The following ACOX3 variants were observed in gnomAD, a reference collection of about 807,000 sequenced individuals.
ACOX3 encodes peroxisomal acyl-coenzyme A oxidase 3.
A neutral mutation model predicts 81.5 loss-of-function variants in ACOX3; 73 were observed. The ratio of observed to expected loss-of-function variants is 0.90; its 90% CI spans 0.74 to 1.09. ACOX3 has a LOEUF of 1.09. Among genes scored for constraint, ACOX3 ranks in the 50% least tolerant of loss-of-function variants. The probability of loss-of-function intolerance (pLI) is 0.00; values close to 1 mark genes in which losing one functional copy is unlikely to be tolerated. For synonymous variants in ACOX3, 387 were observed against 375.1 expected (o/e 1.03, Z -0.37); for missense variants, 947 against 928.0 (o/e 1.02, Z -0.27).
Position 8,380,189 on chromosome 4 carries a change from C to CTT in ACOX3, c.1653+1301_1653+1302dup, listed in dbSNP as rs11388749. Among the ~76,000 whole-genome samples the CTT allele has an allele frequency of 3.1e-3, 389 of 125,836 alleles. 15 individuals carry two copies. The highest frequency in any genetic ancestry group is 0.01 in the African/African-American group (313 of 30,706). 82.6% of individuals were successfully genotyped at this position (125,836 alleles called of 152,430 possible). A position where few individuals can be genotyped will look rare whatever the true frequency, so the allele number is the denominator to read the frequency against. On this transcript the variant is annotated intron_variant, in intron 14 of 17. Coordinates refer to ENST00000356406, the MANE Select transcript of ACOX3 (RefSeq NM_003501.3). ...TCAGTTATAAATTCAATATGGGTTC[C>CTT]TTTTTTTTTTTTTTTTTTGAGATGG...
chr4:8,418,863 G>A (rs1285593446), intron 1 of ACOX3, among the ~76,000 whole-genome samples: 1 of 152,002 alleles, frequency 6.6e-6, no homozygotes, highest in African/African-American at 2.4e-5. Context: ...CGGTCTCAAA[G>A]AAAACAAAAC....
chr4:8,427,857 G>A (rs2109031624), intron 1 of ACOX3, among the ~76,000 whole-genome samples: 1 of 152,312 alleles, frequency 6.6e-6, no homozygotes, highest in African/African-American at 2.4e-5. Context: ...CTAGTGCCCA[G>A]GGTCTACTGT....
chr4:8,377,375 C>T (rs530555345), intron 14 of ACOX3, among the ~76,000 whole-genome samples: 2 of 152,282 alleles, frequency 1.3e-5, no homozygotes, highest in East Asian at 3.9e-4. Flanking sequence ...GCTGCGGGGG[C>T]CAGAAAGACA....
chr4:8,388,736 C>T (rs572003997), intron 13 of ACOX3, among the ~76,000 whole-genome samples: 2 of 152,188 alleles, frequency 1.3e-5, no homozygotes, highest in African/African-American at 2.4e-5. Flanking sequence ...TGCGCCAGGG[C>T]GGGAAGGGGC....
rs1182170655 is a variant in ACOX3 at position 8,405,904 on chromosome 4, C to T, written c.776+51G>A. ...GAGATCTCAGACATGAGCGACAACG[C>T]AGCCTGGGCCTTGGCAGGAAGCTCA... On this transcript the variant is annotated intron_variant, in intron 7 of 17. Coordinates refer to ENST00000356406, the MANE Select transcript of ACOX3 (RefSeq NM_003501.3). The surrounding 1 kb of genome is among the most constrained non-coding windows in gnomAD (Gnocchi z 7.1). The T allele has an allele frequency of 7.7e-6, 12 of 1,557,196 alleles. No individual in the cohort carries two copies. In the South Asian group the frequency reaches 1.0e-4, roughly 13 times the overall value.
chr4:8,424,054 G>T lies in ACOX3; in HGVS notation c.-14-7519C>A, dbSNP rs1578991909. 2.0e-5 allele frequency among the ~76,000 whole-genome samples: 3 copies of T among 152,368 alleles called. No individual in the cohort carries two copies. The East Asian group carries it at 5.8e-4, about 29-fold the overall frequency. ...AAAGGCTCAGCTCTGCTCACAGCAG[G>T]TTAAATACTTAGGGCTAAAATTATC... On this transcript the variant is annotated intron_variant, in intron 1 of 17. Coordinates refer to ENST00000356406, the MANE Select transcript of ACOX3 (RefSeq NM_003501.3).
chr4:8,378,608 G>A (rs976480661), intron 14 of ACOX3, among the ~76,000 whole-genome samples: 9 of 151,424 alleles, frequency 5.9e-5, no homozygotes, highest in African/African-American at 1.7e-4. Context: ...GGACGCCATC[G>A]CCCATCTTTT....
chr4:8,412,411 A>G (rs758060988), intron 5 of ACOX3, among the ~76,000 whole-genome samples: 9 of 150,862 alleles, frequency 6.0e-5, no homozygotes, highest in Non-Finnish European at 1.2e-4. Context: ...TGGATGGATG[A>G]AAGAATGAAT....
chr4:8,435,219 G>A (rs1310934797), intron 1 of ACOX3, among the ~76,000 whole-genome samples: 2 of 152,114 alleles, frequency 1.3e-5, no homozygotes, highest in Admixed American at 6.5e-5. Context: ...TGCTGGGCGC[G>A]GTGGCTCACG....
chr4:8,392,373 C>G lies in ACOX3; in HGVS notation c.1260G>C (p.Gln420His), dbSNP rs1210152988. The G allele has an allele frequency of 1.2e-6, 2 of 1,608,068 alleles. No homozygotes were observed. Among genetic ancestry groups the G allele is most frequent in the East Asian group, 4.5e-5 (2 of 44,402 alleles). ...LASWTTQQGI[Q>H]ECREACGGHG... ...GTCCTCCACACGCCTCCCGGCATTCCTGAATTCCTTGCTGGGTGGTCCACG... is the reference window on the plus strand; with the variant it reads ...GTCCTCCACACGCCTCCCGGCATTCGTGAATTCCTTGCTGGGTGGTCCACG... Residue 420 changes from glutamine to histidine, a missense_variant, in exon 11 of 18, where the codon CAG (glutamine) becomes CAC (histidine). Transcript: ENST00000356406.
chr4:8,399,837 C>T lies in ACOX3; in HGVS notation c.777-185G>A, dbSNP rs185129905. Among the ~76,000 whole-genome samples, 9 of 152,348 alleles carry T rather than the reference C, an allele frequency of 5.9e-5. No homozygotes were observed. The highest frequency in any genetic ancestry group is 3.3e-4 in the Admixed American group (5 of 15,302). On this transcript the variant is annotated intron_variant, in intron 7 of 17. Coordinates refer to ENST00000356406, the MANE Select transcript of ACOX3 (RefSeq NM_003501.3). This position sits in a 1 kb window ranked among gnomAD's most constrained non-coding sequence, Gnocchi z 4.9. ...TAGTCTAGTCAGGAACAGTGGCTCA[C>T]GCCCAGAATCCCAACTCTTTGGAAG...
chr4:8,436,465 ATATT>A (rs1014866645), intron 1 of ACOX3: 3 of 152,214 alleles, frequency 2.0e-5, no homozygotes, highest in African/African-American at 7.2e-5. Flanking sequence ...ATGGAGAATT[ATATT>A]TAAAAAAGGG....
Position 8,406,975 on chromosome 4 carries a change from G to A in ACOX3, c.688-932C>T, listed in dbSNP as rs141660431. ...CTCTAAACTCCCCCAGGGAAAGGGAGACTCCCTTTCCCAGTCTGCTAAGTA... is the reference window on the plus strand; with the variant it reads ...CTCTAAACTCCCCCAGGGAAAGGGAAACTCCCTTTCCCAGTCTGCTAAGTA... On this transcript the variant is annotated intron_variant, in intron 6 of 17. Transcript: ENST00000356406. This position sits in a 1 kb window ranked among gnomAD's most constrained non-coding sequence, Gnocchi z 5.6. Among the ~76,000 whole-genome samples the A allele has an allele frequency of 0.019, 2,966 of 152,228 alleles. 107 individuals are homozygous for A. The highest frequency in any genetic ancestry group is 0.067 in the African/African-American group (2,797 of 41,534).
At chr4:8,435,536 T>C (rs548683192) in intron 1 of ACOX3, among the ~76,000 whole-genome samples, 11 of 151,786 alleles carry the variant, frequency 7.2e-5, no homozygotes, top group African/African-American at 2.7e-4. Flanking sequence ...TCTTTTGGTG[T>C]TGGATGGCCC....
At chr4:8,360,630 C>T in the ACOX3 span, among the ~76,000 whole-genome samples, 2 of 152,058 alleles carry the variant, frequency 1.3e-5, no homozygotes, top group Non-Finnish European at 2.9e-5. Context: ...CGCCACCACG[C>T]CTGGCTAATT....
Position 8,432,181 on chromosome 4 carries a change from A to G in ACOX3, c.-15+8467T>C, listed in dbSNP as rs1723994102. Among the ~76,000 whole-genome samples, 1 of 152,102 alleles carries G rather than the reference A, an allele frequency of 6.6e-6. No homozygotes were observed. Among genetic ancestry groups the G allele is most frequent in the Non-Finnish European group, 1.5e-5 (1 of 68,002 alleles). On this transcript the variant is annotated intron_variant, in intron 1 of 17. Transcript: ENST00000356406. The surrounding 1 kb of genome is among the most constrained non-coding windows in gnomAD (Gnocchi z 6.2). ...TTGTGGAACATAAATGTGGTTTTGT[A>G]CAAGATGCACAAACAAATGGCTGTC...
At chr4:8,420,939 T>C (rs534323522) in intron 1 of ACOX3, among the ~76,000 whole-genome samples, 11 of 152,258 alleles carry the variant, frequency 7.2e-5, no homozygotes, top group South Asian at 4.2e-4. Context: ...AGTCCCTGGG[T>C]TCCACAGTTC....
At chr4:8,375,261 T>C in intron 14 of ACOX3, 109 bp from the exon 15 acceptor site, 5 of 1,113,868 alleles carry the variant, frequency 4.5e-6, no homozygotes, top group South Asian at 1.5e-5. Context: ...TTCCCGTGCA[T>C]GTCCTAGGAC....
chr4:8,359,241 T>G, the ACOX3 span, among the ~76,000 whole-genome samples: 2 of 152,308 alleles, frequency 1.3e-5, no homozygotes, highest in East Asian at 3.9e-4. This position sits in a 1 kb window ranked among gnomAD's most constrained non-coding sequence, Gnocchi z 6.0. Context: ...AGAAGTAGAC[T>G]GCACCACTGG....
Sources: allele counts gnomAD v4.1 joint callset (sites outside exome capture counted in the v4.1 genomes callset), GRCh38; gene constraint gnomAD v4.1.1; non-coding constraint Gnocchi (gnomAD v3.1); transcripts MANE v1.5; gene names NCBI Gene and HGNC (gene_info 2026-07-23, HGNC 2026-07-21).